Variants in EBF1 observed in about 807,000 individuals in gnomAD.
The protein encoded by EBF1 is transcription factor COE1.
EBF1 carries 10 observed loss-of-function variants against 68.4 expected under a neutral mutation model. The observed-to-expected ratio is 0.15, with a 90% CI of 0.09 to 0.25. EBF1 has a LOEUF of 0.25. Ranked by LOEUF, EBF1 falls within the 10% of genes least tolerant of loss-of-function variation. The probability of loss-of-function intolerance (pLI) is 1.00; values close to 1 mark genes in which losing one functional copy is unlikely to be tolerated. For synonymous variants in EBF1, 298 were observed against 299.8 expected, an observed-to-expected ratio of 0.99 and a Z score of 0.06; for missense variants, 509 against 794.4, an observed-to-expected ratio of 0.64 and a Z score of 4.32.
intron 6 of EBF1, among the ~76,000 whole-genome samples, chr5:158,869,192 G>C (rs558362174): frequency 6.6e-6 from 1 of 152,260 alleles, no homozygotes; most frequent in South Asian, 2.1e-4. Context: ...AATGCTGTCT[G>C]CTCTGGTTGC....
Position 158,732,689 on chromosome 5 carries a change from A to T in EBF1, c.1037-1532T>A, listed in dbSNP as rs115733333. Among the ~76,000 whole-genome samples the T allele has an allele frequency of 2.9e-3, 437 of 152,324 alleles. 1 individual carries two copies. The highest frequency in any genetic ancestry group is 9.9e-3 in the African/African-American group (412 of 41,588). ...AAGCCAATAATTACACCTCCAAAAG[A>T]CACATAAATCAGAGTAAGTACTTTT... is the stretch of plus-strand genomic sequence containing the variant. On this transcript the variant is annotated intron_variant, in intron 10 of 15. Transcript: ENST00000313708.
At chr5:158,995,664 C>T (rs761523712) in intron 6 of EBF1, among the ~76,000 whole-genome samples, 2 of 152,142 alleles carry the variant, frequency 1.3e-5, no homozygotes, top group African/African-American at 2.4e-5. Flanking sequence ...TTACCCTCTC[C>T]GACCTTCTTA....
intron 6 of EBF1, among the ~76,000 whole-genome samples, chr5:158,985,182 C>G (rs542010810): frequency 6.6e-6 from 1 of 152,082 alleles, no homozygotes; most frequent in Non-Finnish European, 1.5e-5. Flanking sequence ...GAAAATGATA[C>G]GAGAATACCA....
chr5:159,069,597 T>C (rs1002511970), intron 6 of EBF1, among the ~76,000 whole-genome samples: 6 of 152,174 alleles, frequency 3.9e-5, no homozygotes, highest in Admixed American at 6.5e-5. Flanking sequence ...ACTTAATATA[T>C]TCAGTTCCGA....
chr5:158,728,333 A>G (rs1056965987), intron 11 of EBF1, among the ~76,000 whole-genome samples: 19 of 152,132 alleles, frequency 1.2e-4, no homozygotes, highest in African/African-American at 4.6e-4. Context: ...TGTGTCCTTG[A>G]TTACTCTTTC....
chr5:159,083,485 C>G (rs1780083660), intron 5 of EBF1, among the ~76,000 whole-genome samples: 1 of 152,118 alleles, frequency 6.6e-6, no homozygotes, highest in Non-Finnish European at 1.5e-5. Context: ...ACTTGTGAAA[C>G]TCCTATATAT....
chr5:158,848,538 A>T, intron 6 of EBF1, among the ~76,000 whole-genome samples: 1 of 152,234 alleles, frequency 6.6e-6, no homozygotes, highest in Non-Finnish European at 1.5e-5. Context: ...AACCAACCCA[A>T]ATATGGAGAA....
chr5:158,880,712 C>T (rs1009117241), intron 6 of EBF1, among the ~76,000 whole-genome samples: 4 of 152,110 alleles, frequency 2.6e-5, no homozygotes, highest in African/African-American at 4.8e-5. Context: ...GAACGGTGTT[C>T]GGTTCAGTTG....
At chr5:159,097,192 C>T (rs1782795313) in intron 1 of EBF1, 62 bp from the exon 2 acceptor site, 2 of 1,544,668 alleles carry the variant, frequency 1.3e-6, no homozygotes, top group East Asian at 2.3e-5. Context: ...CCCTTGTCAC[C>T]CTGTACACAC....
intron 6 of EBF1, among the ~76,000 whole-genome samples, chr5:159,037,587 A>G (rs1770319189): frequency 1.5e-5 from 2 of 130,048 alleles, no homozygotes; most frequent in Non-Finnish European, 3.3e-5. Context: ...ATTCTCACTC[A>G]TAGGTGGGAA....
At chr5:158,749,231 C>A (rs1426929042) in intron 10 of EBF1, among the ~76,000 whole-genome samples, 1 of 152,064 alleles carries the variant, frequency 6.6e-6, no homozygotes, top group Non-Finnish European at 1.5e-5. Context: ...AAGACAGAAG[C>A]GTATTTAAGT....
At chr5:159,063,017 T>A (rs948122149) in intron 6 of EBF1, among the ~76,000 whole-genome samples, 2 of 152,238 alleles carry the variant, frequency 1.3e-5, no homozygotes, top group African/African-American at 2.4e-5. Flanking sequence ...GCCATTTCAC[T>A]TTATTGTGTA....
chr5:158,755,297 T>C (rs556314288), intron 10 of EBF1, among the ~76,000 whole-genome samples: 1 of 152,146 alleles, frequency 6.6e-6, no homozygotes, highest in South Asian at 2.1e-4. Context: ...CCCCTGGCCA[T>C]ATCCCCTCCC....
chr5:159,050,612 C>T (rs974011999), intron 6 of EBF1, among the ~76,000 whole-genome samples: 1 of 152,194 alleles, frequency 6.6e-6, no homozygotes, highest in African/African-American at 2.4e-5. Context: ...GCTAGGCCAC[C>T]AGTTACTTTC....
At chr5:158,717,251 A>ACTT (rs1489090853) in intron 11 of EBF1, among the ~76,000 whole-genome samples, 1 of 152,160 alleles carries the variant, frequency 6.6e-6, no homozygotes, top group Non-Finnish European at 1.5e-5. Context: ...ATTTTTTTGC[A>ACTT]GTTTTATATG....
chr5:158,839,538 C>T (rs1034311682), intron 7 of EBF1, among the ~76,000 whole-genome samples: 3 of 152,040 alleles, frequency 2.0e-5, no homozygotes, highest in Admixed American at 1.3e-4. Context: ...AAATTCACCA[C>T]ATCCAGCTAA....
chr5:158,734,224 C>G (rs1185724524), intron 10 of EBF1, among the ~76,000 whole-genome samples: 1 of 152,062 alleles, frequency 6.6e-6, no homozygotes, highest in South Asian at 2.1e-4. Flanking sequence ...TGCTTTTCTT[C>G]CTGTTCTTTT....
chr5:159,056,901 T>G (rs2127845038), intron 6 of EBF1, among the ~76,000 whole-genome samples: 1 of 152,278 alleles, frequency 6.6e-6, no homozygotes, highest in Non-Finnish European at 1.5e-5. Context: ...TACTGAAAGA[T>G]GACTATTGAT....
intron 6 of EBF1, among the ~76,000 whole-genome samples, chr5:159,071,321 C>T (rs904059678): frequency 6.6e-6 from 1 of 152,068 alleles, no homozygotes; most frequent in Admixed American, 6.6e-5. Flanking sequence ...TCTGAAGAGA[C>T]CAAGATTGGC....
Sources: gnomAD v4.1 joint callset for allele counts (sites outside exome capture counted in the v4.1 genomes callset) on GRCh38, gnomAD v4.1.1 for gene constraint, MANE v1.5 for transcripts, NCBI Gene and HGNC (gene_info 2026-07-23, HGNC 2026-07-21) for gene names.